The following OAS3 variants were observed in gnomAD, a reference collection of about 807,000 sequenced individuals.
The protein encoded by OAS3 is 2'-5'-oligoadenylate synthetase 3.
Under a neutral mutation model 113.0 loss-of-function variants are expected in OAS3, and 107 were observed. That is an observed-to-expected ratio of 0.95 (90% confidence interval 0.81 to 1.11). The LOEUF is 1.11. Ranked by LOEUF, OAS3 falls within the 50% of genes most tolerant of loss-of-function variation. The probability of loss-of-function intolerance (pLI) is 0.00; values close to 1 mark genes in which losing one functional copy is unlikely to be tolerated. For synonymous variants in OAS3, 552 were observed against 573.6 expected (o/e 0.96, Z 0.54); for missense variants, 1,258 against 1,389.1 (o/e 0.91, Z 1.50).
chr12:112,948,801 A>G, intron 5 of OAS3, 60 bp from the exon 6 acceptor site: 1 of 1,336,720 alleles, frequency 7.5e-7, no homozygotes, highest in South Asian at 1.4e-5. Flanking sequence ...GAGAGAAGGC[A>G]TTGGGTTGAT....
Position 112,965,857 on chromosome 12 carries a change from C to A in OAS3, c.2517C>A (p.Ile839=). 1 of 1,613,786 alleles carries A rather than the reference C, an allele frequency of 6.2e-7. No individual in the cohort carries two copies. The highest frequency in any genetic ancestry group is 8.5e-7 in the Non-Finnish European group (1 of 1,179,812). The change falls in exon 12 of 16, where the codon ATC becomes ATA. Residue 839 remains isoleucine, a synonymous_variant. Coordinates refer to ENST00000228928, the MANE Select transcript of OAS3 (RefSeq NM_006187.4). ...FTEQGNKRAE[I]ISEIRAQLEA... ...AGCAGGGCAACAAGCGGGCCGAGAT[C>A]ATCTCCGAGATCCGAGCCCAGCTGG... is the stretch of plus-strand genomic sequence containing the variant.
chr12:112,967,400 C>G lies in OAS3; in HGVS notation c.2690-18C>G. On this transcript the variant is annotated intron_variant, in intron 12 of 15. Transcript: ENST00000228928. The stretch of plus-strand genomic sequence containing the variant: ...AACATGGGAGCCGGAGTGATGGTAA[C>G]CATCTCCCCATCTCCAGGCCAGCTG... 1 of 1,603,230 alleles carries G rather than the reference C, an allele frequency of 6.2e-7. No homozygotes were observed. Among genetic ancestry groups the G allele is most frequent in the Non-Finnish European group, 8.5e-7 (1 of 1,174,296 alleles).
At position 112,954,475 on chromosome 12, in the gene OAS3, G is replaced by A. The variant is rs945027793; in HGVS notation, c.1657+3500G>A. Among the ~76,000 whole-genome samples, 7 of 152,102 alleles carry A rather than the reference G, an allele frequency of 4.6e-5. No homozygotes were observed. The highest frequency in any genetic ancestry group is 8.8e-5 in the Non-Finnish European group (6 of 68,024). On this transcript the variant is annotated intron_variant, in intron 7 of 15. Transcript: ENST00000228928. The surrounding 1 kb of genome is among the most constrained non-coding windows in gnomAD (Gnocchi z 4.0). Reference sequence around the variant, plus strand: ...CTGGCTAATTTTTTTGTATTTTTTAGTAGAGACAGACAGGGTTTCACCATG... The same window carrying A: ...CTGGCTAATTTTTTTGTATTTTTTAATAGAGACAGACAGGGTTTCACCATG...
rs2043897097 is a variant in OAS3, at chr12:112,962,649, C to T, written c.1834-3C>T. 1.2e-6 allele frequency: 2 copies of T among 1,612,250 alleles called. No individual in the cohort carries two copies. Among genetic ancestry groups the T allele is most frequent in the Non-Finnish European group, 8.5e-7 (1 of 1,178,456 alleles). On this transcript the variant is annotated splice_region_variant and splice_polypyrimidine_tract_variant and intron_variant, in intron 8 of 15. Coordinates refer to ENST00000228928, the MANE Select transcript of OAS3 (RefSeq NM_006187.4). Reference sequence around the variant, plus strand: ...CATCTTTGGTTGGCCTTGTGTGACACAGGTTGCGGCTCAGAACAAAGGAAA... The same window carrying T: ...CATCTTTGGTTGGCCTTGTGTGACATAGGTTGCGGCTCAGAACAAAGGAAA...
Position 112,961,164 on chromosome 12 carries a change from C to T in OAS3, c.1751C>T (p.Ala584Val). The change falls in exon 8 of 16, where the codon GCA becomes GTA. Residue 584 changes from alanine (A) to valine (V), a missense_variant. By Grantham distance (64) the Ala-to-Val change is moderately conservative. Transcript: ENST00000228928. Reference protein sequence around the residue: ...CQEGEHKACFAELRRNFMNIR... With the variant: ...CQEGEHKACFVELRRNFMNIR... ...GAGGGCGAGCATAAGGCCTGCTTCG[C>T]AGAGCTGCGGAGGAACTTCATGAAC... The T allele has an allele frequency of 1.2e-6, 2 of 1,614,036 alleles. No individual in the cohort carries two copies. The highest frequency in any genetic ancestry group is 1.7e-6 in the Non-Finnish European group (2 of 1,179,888).
intron 6 of OAS3, 60 bp from the exon 7 acceptor site, chr12:112,950,633 C>T (rs1482237876): frequency 1.7e-5 from 26 of 1,568,918 alleles, no homozygotes; most frequent in Admixed American, 5.2e-5. Flanking sequence ...GTGATGGGAT[C>T]GTAGTCCGAC....
intron 7 of OAS3, among the ~76,000 whole-genome samples, chr12:112,955,754 T>C (rs2043828420): frequency 6.6e-6 from 1 of 152,206 alleles, no homozygotes; most frequent in African/African-American, 2.4e-5. Context: ...GCATAGATGT[T>C]TTATTGAGGA....
At chr12:112,961,494 C>G (rs2043885486) in intron 8 of OAS3, among the ~76,000 whole-genome samples, 1 of 152,232 alleles carries the variant, frequency 6.6e-6, no homozygotes, top group South Asian at 2.1e-4. Flanking sequence ...AGCCCATCCA[C>G]TTCTCTCTTT....
In OAS3 at chr12:112,969,671, G is replaced by C. The variant is rs778810876; in HGVS notation, c.3168G>C (p.Leu1056=). The change falls in exon 15 of 16, where the codon CTG becomes CTC. Residue 1056 remains leucine, a synonymous_variant. Transcript: ENST00000228928. Reference sequence around the variant, plus strand: ...TGGGCCACAATGCCCGCTGGGACCTGCTGGCCAAGGAAGCTGCAGCCTGCA... The same window carrying C: ...TGGGCCACAATGCCCGCTGGGACCTCCTGGCCAAGGAAGCTGCAGCCTGCA... ...GNLGHNARWD[L]LAKEAAACTS... is the part of the protein sequence containing the mutation. 1.2e-6 allele frequency: 2 copies of C among 1,610,974 alleles called. No homozygotes were observed. Among genetic ancestry groups the C allele is most frequent in the Non-Finnish European group, 1.7e-6 (2 of 1,178,636 alleles).
In OAS3 at chr12:112,958,757, G is replaced by A. The variant is rs566501241; in HGVS notation, c.1658-2314G>A. ...ATATGAGGTGTCAGTCGGCCCCTAC[G>A]GGGAAGTGCCTCCCAGTTAGGCTAC... On this transcript the variant is annotated intron_variant, in intron 7 of 15. Coordinates refer to ENST00000228928, the MANE Select transcript of OAS3 (RefSeq NM_006187.4). Among the ~76,000 whole-genome samples the A allele has an allele frequency of 6.6e-5, 10 of 152,382 alleles. No homozygotes were observed. In the East Asian group the frequency reaches 9.6e-4, roughly 15 times the overall value.
chr12:112,947,385 T>C (rs1019795524), intron 4 of OAS3, among the ~76,000 whole-genome samples: 5 of 152,256 alleles, frequency 3.3e-5, no homozygotes, highest in African/African-American at 1.2e-4. Flanking sequence ...GTTGTGCCTT[T>C]TCTTAAATCT....
rs1190411036 is a variant in OAS3, at chr12:112,973,138, T to C, written c.*3165T>C. ...CCCTAAAAGGAAACCCTGAAACCCA[T>C]TAGCAGTCATTCCCCATTCCTCCAA... On this transcript the variant is annotated 3_prime_UTR_variant, in exon 16 of 16. Transcript: ENST00000228928. 1 of 152,172 alleles carries C rather than the reference T, an allele frequency of 6.6e-6. No homozygotes were observed. The highest frequency in any genetic ancestry group is 1.5e-5 in the Non-Finnish European group (1 of 68,026). 9.4% of individuals were successfully genotyped at this position (152,172 alleles called of 1,614,324 possible).
intron 8 of OAS3, among the ~76,000 whole-genome samples, chr12:112,962,296 C>G (rs779574775): frequency 6.6e-6 from 1 of 152,186 alleles, no homozygotes; most frequent in Admixed American, 6.5e-5. Flanking sequence ...TACAACCACC[C>G]CATGTTATGT....
chr12:112,951,488 C>G (rs1459456239), intron 7 of OAS3, among the ~76,000 whole-genome samples: 3 of 151,972 alleles, frequency 2.0e-5, no homozygotes, highest in Non-Finnish European at 2.9e-5. Flanking sequence ...TCATTCCGGT[C>G]TAAATATTTA....
intron 6 of OAS3, 129 bp downstream of exon 6, chr12:112,949,334 G>A (rs2043768046): frequency 5.7e-6 from 4 of 699,460 alleles, no homozygotes; most frequent in Non-Finnish European, 9.3e-6. Flanking sequence ...TGATTTGCTG[G>A]CTTAAATAAA....
chr12:112,969,387 G>A (rs757404), intron 14 of OAS3: 159,751 of 591,832 alleles, frequency 0.27, 22,835 homozygotes, highest in African/African-American at 0.4. Context: ...TAGCACCGTG[G>A]TTGATTAGTA....
rs1439344755 is a variant in OAS3, at chr12:112,968,072, TG to T, written c.3004del (p.Val1002SerfsTer26). The T allele has an allele frequency of 1.9e-6, 3 of 1,614,034 alleles. No individual in the cohort carries two copies. The highest frequency in any genetic ancestry group is 2.2e-5 in the East Asian group (1 of 44,888). ...GAGGGCTTCCGCACGGTCCTGGAGC[TG>T]GTCACCCAGTACCGCCAGCTCTGTA... ...MAEGFRTVLELVTQYRQLCIY... is the reference protein window; with the variant it reads ...MAEGFRTVLEXVTQYRQLCIY... On this transcript the variant is annotated frameshift_variant, in exon 14 of 16. Transcript: ENST00000228928. LOFTEE classifies it high-confidence loss of function.
chr12:112,956,576 G>C (rs1036232265), intron 7 of OAS3, among the ~76,000 whole-genome samples: 2 of 152,184 alleles, frequency 1.3e-5, no homozygotes, highest in Non-Finnish European at 2.9e-5. Context: ...CTTTATTTCT[G>C]CCTTCATTTA....
In OAS3 at chr12:112,950,907, T is replaced by TC; in HGVS notation, c.1591dup (p.Gln531ProfsTer14). The TC allele has an allele frequency of 6.2e-7, 1 of 1,613,946 alleles. No individual in the cohort carries two copies. The highest frequency in any genetic ancestry group is 1.7e-5 in the Admixed American group (1 of 60,022). On this transcript the variant is annotated frameshift_variant, in exon 7 of 16. Transcript: ENST00000228928. LOFTEE classifies it high-confidence loss of function. The stretch of plus-strand genomic sequence containing the variant: ...CAGAATGTGCCTGAGGCTCTGCAGT[T>TC]CCAGCTGGTGTCCACAGCCCTGAAG...
Sources: allele counts gnomAD v4.1 joint callset (sites outside exome capture counted in the v4.1 genomes callset), GRCh38; gene constraint gnomAD v4.1.1; non-coding constraint Gnocchi (gnomAD v3.1); transcripts MANE v1.5; gene names NCBI Gene and HGNC (gene_info 2026-07-23, HGNC 2026-07-21).